The following DEFB119 variants were observed in gnomAD, a reference collection of about 807,000 sequenced individuals.
DEFB119 encodes defensin beta 119, also known as beta-defensin 119.
Under a neutral mutation model 2.5 loss-of-function variants are expected in DEFB119, and 3 were observed. That is an observed-to-expected ratio of 1.19 (90% confidence interval 0.54 to 3.07). The LOEUF is 3.07. DEFB119 is among the 30% of genes most tolerant of loss of function. The pLI is 0.03. For missense variants in DEFB119, 113 were observed against 101.1 expected (o/e 1.12, Z -0.50); for synonymous variants, 29 against 33.7 (o/e 0.86, Z 0.48).
chr20:31,384,693 T>C (rs1986625363), intron 1 of DEFB119, among the ~76,000 whole-genome samples: 1 of 152,190 alleles, frequency 6.6e-6, no homozygotes, highest in South Asian at 2.1e-4. Flanking sequence ...GTGTGCTAAT[T>C]AGGATCAGCT....
At chr20:31,378,353 T>C (rs1261636878) in intron 1 of DEFB119, 8 of 1,614,190 alleles carry the variant, frequency 5.0e-6, no homozygotes, top group Non-Finnish European at 6.8e-6. Flanking sequence ...TCCACCCACC[T>C]GGCAGTATCC....
At chr20:31,389,378 A>G in intron 1 of DEFB119, 1 of 1,062,312 alleles carries the variant, frequency 9.4e-7, no homozygotes. Context: ...AGGAAAAGAG[A>G]GAAGAGACCT....
chr20:31,385,019 C>T (rs879276456), intron 1 of DEFB119, among the ~76,000 whole-genome samples: 1 of 152,158 alleles, frequency 6.6e-6, no homozygotes, highest in East Asian at 1.9e-4. Context: ...TAAGCTACTG[C>T]TCTCACCTTA....
At chr20:31,383,788 A>T (rs1000445499) in intron 1 of DEFB119, among the ~76,000 whole-genome samples, 3 of 152,072 alleles carry the variant, frequency 2.0e-5, no homozygotes, top group African/African-American at 4.8e-5. Context: ...GCTTGCAGTG[A>T]GCCGAGATCC....
At chr20:31,382,354 G>A (rs1986532713) in intron 1 of DEFB119, among the ~76,000 whole-genome samples, 1 of 152,062 alleles carries the variant, frequency 6.6e-6, no homozygotes, top group Admixed American at 6.6e-5. Context: ...TTTACTTGCT[G>A]TGTATCCTGG....
At position 31,390,477 on chromosome 20, in the gene DEFB119, G is replaced by T. The variant is rs750119619; in HGVS notation, c.7C>A (p.Leu3Ile). 6.2e-7 allele frequency: 1 copy of T among 1,613,304 alleles called. No individual in the cohort carries two copies. Among genetic ancestry groups the T allele is most frequent in the Non-Finnish European group, 8.5e-7 (1 of 1,179,722 alleles). The change falls in exon 1 of 2, where the codon CTT becomes ATT. Residue 3 changes from leucine (L) to isoleucine (I), a missense_variant. Coordinates refer to ENST00000376321, the MANE Select transcript of DEFB119 (RefSeq NM_153289.4). The part of the protein sequence containing the change: MK[L>I]LYLFLAILLA... The stretch of plus-strand genomic sequence containing the variant: ...AGGATGGCAAGAAACAGGTAAAGAA[G>T]TTTCATGGCTGGCAGACCTGAGAGG...
chr20:31,389,437 T>A (rs368483789), intron 1 of DEFB119, among the ~76,000 whole-genome samples: 6 of 151,960 alleles, frequency 3.9e-5, no homozygotes, highest in African/African-American at 1.5e-4. Flanking sequence ...AGCTCCGAAG[T>A]TTTTGGGAGA....
intron 1 of DEFB119, among the ~76,000 whole-genome samples, chr20:31,383,368 C>A (rs1227067663): frequency 2.0e-5 from 3 of 151,772 alleles, no homozygotes; most frequent in African/African-American, 7.3e-5. Context: ...CATGGTGAAA[C>A]CTTGTCTCTA....
At chr20:31,384,015 A>C (rs766411204) in intron 1 of DEFB119, among the ~76,000 whole-genome samples, 22 of 152,092 alleles carry the variant, frequency 1.4e-4, no homozygotes, top group African/African-American at 4.8e-4. Context: ...TGAATCATTA[A>C]ACCTCTTTTT....
intron 1 of DEFB119, among the ~76,000 whole-genome samples, chr20:31,384,487 G>A (rs1266570126): frequency 1.3e-5 from 2 of 151,822 alleles, no homozygotes; most frequent in African/African-American, 4.8e-5. Flanking sequence ...AAACAAAAAA[G>A]TAAACTATAA....
chr20:31,382,694 C>G (rs1447056311), intron 1 of DEFB119, among the ~76,000 whole-genome samples: 1 of 152,180 alleles, frequency 6.6e-6, no homozygotes, highest in Non-Finnish European at 1.5e-5. Flanking sequence ...GTGCCCCCAC[C>G]AGATCCACTC....
chr20:31,389,982 A>G (rs1159313552), intron 1 of DEFB119, among the ~76,000 whole-genome samples: 7 of 151,694 alleles, frequency 4.6e-5, no homozygotes, highest in Admixed American at 4.6e-4. Flanking sequence ...CTCAACCCCA[A>G]ATCCCATCCT....
At chr20:31,384,238 T>C (rs561273936) in intron 1 of DEFB119, among the ~76,000 whole-genome samples, 1 of 152,314 alleles carries the variant, frequency 6.6e-6, no homozygotes, top group South Asian at 2.1e-4. Flanking sequence ...ACAGGATGAC[T>C]GCAGTTCACA....
intron 1 of DEFB119, among the ~76,000 whole-genome samples, chr20:31,379,016 C>A (rs1216126924): frequency 6.6e-6 from 1 of 151,294 alleles, no homozygotes; most frequent in African/African-American, 2.4e-5. Context: ...TGGCTCACTG[C>A]AACCTCCGCC....
At chr20:31,389,120 T>G (rs781630079) in intron 1 of DEFB119, 1 of 1,614,240 alleles carries the variant, frequency 6.2e-7, no homozygotes, top group Non-Finnish European at 8.5e-7. Flanking sequence ...ACTGGTTGGA[T>G]TGTTAAATAA....
At chr20:31,382,857 G>A (rs1309506991) in intron 1 of DEFB119, among the ~76,000 whole-genome samples, 1 of 152,196 alleles carries the variant, frequency 6.6e-6, no homozygotes, top group Non-Finnish European at 1.5e-5. Context: ...TGTGTTTGGG[G>A]GATTGATGGA....
intron 1 of DEFB119, among the ~76,000 whole-genome samples, chr20:31,390,037 C>A (rs1986869833): frequency 6.6e-6 from 1 of 152,014 alleles, no homozygotes; most frequent in Non-Finnish European, 1.5e-5. Flanking sequence ...CAGCTCCTCA[C>A]CTCCAGCTCA....
chr20:31,379,246 G>T (rs577255434), intron 1 of DEFB119, among the ~76,000 whole-genome samples: 1 of 152,216 alleles, frequency 6.6e-6, no homozygotes, highest in South Asian at 2.1e-4. Context: ...TTGTCGGAAG[G>T]CATTAAAAGA....
At chr20:31,382,416 A>G (rs1055657908) in intron 1 of DEFB119, among the ~76,000 whole-genome samples, 2 of 152,204 alleles carry the variant, frequency 1.3e-5, no homozygotes, top group Admixed American at 1.3e-4. Context: ...TGTATAGTAT[A>G]GACCGGAAAA....
Sources: allele counts gnomAD v4.1 joint callset (sites outside exome capture counted in the v4.1 genomes callset), GRCh38; gene constraint gnomAD v4.1.1; transcripts MANE v1.5; gene names NCBI Gene and HGNC (gene_info 2026-07-23, HGNC 2026-07-21).